The following ZYG11B variants were observed in gnomAD, a reference collection of about 807,000 sequenced individuals.
ZYG11B encodes the protein protein zyg-11 homolog B.
ZYG11B carries 36 observed loss-of-function variants against 82.4 expected under a neutral mutation model. The ratio of observed to expected loss-of-function variants is 0.44; its 90% CI spans 0.33 to 0.58. The LOEUF is 0.58. ZYG11B is among the 20% of genes least tolerant of loss of function. ZYG11B has a pLI of 0.02. For synonymous variants in ZYG11B, 303 were observed against 312.8 expected, an observed-to-expected ratio of 0.97 and a Z score of 0.33; for missense variants, 552 against 895.6, an observed-to-expected ratio of 0.62 and a Z score of 4.90.
chr1:52,786,619 C>T (rs1644914838), intron 5 of ZYG11B, among the ~76,000 whole-genome samples: 1 of 152,028 alleles, frequency 6.6e-6, no homozygotes, highest in South Asian at 2.1e-4. Context: ...CATGGTGGCA[C>T]ACCATCTGTG....
chr1:52,790,174 T>G, intron 6 of ZYG11B, 107 bp downstream of exon 6: 22 of 662,078 alleles, frequency 3.3e-5, no homozygotes, highest in Non-Finnish European at 5.1e-5. Flanking sequence ...ATTAATTGAA[T>G]AGATAGAATT....
At position 52,821,429 on chromosome 1, in the gene ZYG11B, T is replaced by G. The variant is rs768832124; in HGVS notation, c.2045-10T>G. On this transcript the variant is annotated splice_polypyrimidine_tract_variant and intron_variant, in intron 13 of 13. Coordinates refer to ENST00000294353, the MANE Select transcript of ZYG11B (RefSeq NM_024646.3). ...CTCCTGTTTTGTGTGTGTTTTTTTT[T>G]CTTTTTCAGCTTCAAGGTATTGCAG... The G allele has an allele frequency of 1.7e-5, 26 of 1,526,572 alleles. No individual in the cohort carries two copies. Among genetic ancestry groups the G allele is most frequent in the Non-Finnish European group, 2.3e-5 (26 of 1,133,660 alleles). 94.6% of individuals were successfully genotyped at this position (1,526,572 alleles called of 1,614,324 possible).
intron 12 of ZYG11B, among the ~76,000 whole-genome samples, chr1:52,815,432 G>A (rs1475664600): frequency 1.3e-5 from 2 of 152,030 alleles, no homozygotes; most frequent in Non-Finnish European, 2.9e-5. Flanking sequence ...CTCAGCCTGA[G>A]CAACATAGTG....
At chr1:52,798,780 G>A (rs1645049933) in intron 8 of ZYG11B, among the ~76,000 whole-genome samples, 1 of 152,084 alleles carries the variant, frequency 6.6e-6, no homozygotes, top group Non-Finnish European at 1.5e-5. Flanking sequence ...AGTAAACCAC[G>A]AAAACTTTAA....
intron 1 of ZYG11B, among the ~76,000 whole-genome samples, chr1:52,732,008 G>T (rs1644337085): frequency 6.6e-6 from 1 of 152,180 alleles, no homozygotes; most frequent in South Asian, 2.1e-4. Flanking sequence ...TCACCATGTT[G>T]CCCAGGCTGC....
intron 13 of ZYG11B, 68 bp from the exon 14 acceptor site, chr1:52,821,371 A>T: frequency 6.8e-7 from 1 of 1,466,490 alleles, no homozygotes; most frequent in Non-Finnish European, 9.1e-7. Flanking sequence ...TTTTTTGTGG[A>T]ATAATTTTCA....
intron 4 of ZYG11B, among the ~76,000 whole-genome samples, chr1:52,780,681 T>C (rs1571773481): frequency 6.6e-6 from 1 of 152,154 alleles, no homozygotes; most frequent in Non-Finnish European, 1.5e-5. Context: ...GCAGTGGCTG[T>C]TCACAGGCCT....
chr1:52,726,631 G>C lies in ZYG11B; in HGVS notation c.-23G>C, dbSNP rs1355800339. ...GGGGCGGGCTCCGGTCCGGCCCGCC[G>C]CCGCACCCAGGACGGAGGCTGCATG... On this transcript the variant is annotated 5_prime_UTR_variant, in exon 1 of 14. Transcript: ENST00000294353. 3 of 1,448,956 alleles carry C rather than the reference G, an allele frequency of 2.1e-6. 1 individual carries two copies. Among genetic ancestry groups the C allele is most frequent in the Non-Finnish European group, 2.7e-6 (3 of 1,106,280 alleles). The allele number at this position is 1,448,956 out of a possible 1,614,324, so 89.8% of individuals were successfully genotyped here.
chr1:52,755,981 G>T (rs1039279969), intron 1 of ZYG11B, among the ~76,000 whole-genome samples: 1 of 152,062 alleles, frequency 6.6e-6, no homozygotes, highest in Non-Finnish European at 1.5e-5. Flanking sequence ...TGTATTTTTA[G>T]TGGAGATGGG....
chr1:52,810,871 C>T (rs1229745057), intron 10 of ZYG11B, among the ~76,000 whole-genome samples: 1 of 151,740 alleles, frequency 6.6e-6, no homozygotes, highest in South Asian at 2.1e-4. Flanking sequence ...CCTGTATCTA[C>T]TAAAAATATA....
At chr1:52,770,086 A>ATG in intron 2 of ZYG11B, among the ~76,000 whole-genome samples, 1 of 72,780 alleles carries the variant, frequency 1.4e-5, no homozygotes, top group South Asian at 4.9e-4. Flanking sequence ...ATATATATAT[A>ATG]TATATATTTT....
chr1:52,797,156 T>A (rs1465033906), intron 8 of ZYG11B, among the ~76,000 whole-genome samples: 2 of 69,892 alleles, frequency 2.9e-5, no homozygotes, highest in African/African-American at 8.5e-5. Context: ...TATTATATAT[T>A]TATATATTAT....
intron 8 of ZYG11B, among the ~76,000 whole-genome samples, chr1:52,797,665 T>TGTA (rs1337550609): frequency 6.7e-6 from 1 of 149,774 alleles, no homozygotes; most frequent in Non-Finnish European, 1.5e-5. Flanking sequence ...CCTGCCACCA[T>TGTA]GCCCGGCTAA....
chr1:52,780,144 G>A (rs1644843206), intron 4 of ZYG11B, 151 bp downstream of exon 4: 6 of 757,530 alleles, frequency 7.9e-6, no homozygotes, highest in Non-Finnish European at 1.2e-5. Context: ...AGCTATAAAC[G>A]AGAGAGAAGA....
rs1645095134 is a variant in ZYG11B at position 52,803,107 on chromosome 1, T to TATATACACAC, written c.1695+973_1695+974insCACACATATA. Among the ~76,000 whole-genome samples, 3 of 89,946 alleles carry TATATACACAC rather than the reference T, an allele frequency of 3.3e-5. 1 individual carries two copies. The highest frequency in any genetic ancestry group is 5.3e-5 in the Non-Finnish European group (3 of 56,112). 59.0% of individuals were successfully genotyped at this position (89,946 alleles called of 152,430 possible). ...ATACACATATATATATACATATATATATATATATATACACACATATATATA... is the reference window on the plus strand; with the variant it reads ...ATACACATATATATATACATATATATATATACACACATATATATATACACACATATATATA... On this transcript the variant is annotated intron_variant, in intron 10 of 13. Coordinates refer to ENST00000294353, the MANE Select transcript of ZYG11B (RefSeq NM_024646.3).
chr1:52,823,533 T>C lies in ZYG11B; in HGVS notation c.*1904T>C, dbSNP rs1645301273. 1 of 150,390 alleles carries C rather than the reference T, an allele frequency of 6.6e-6. No individual in the cohort carries two copies. The highest frequency in any genetic ancestry group is 1.5e-5 in the Non-Finnish European group (1 of 67,966). The allele number at this position is 150,390 out of a possible 1,614,324, so 9.3% of individuals were successfully genotyped here. On this transcript the variant is annotated 3_prime_UTR_variant, in exon 14 of 14. Coordinates refer to ENST00000294353, the MANE Select transcript of ZYG11B (RefSeq NM_024646.3). ...TCTTTTAAAAGTTTTTTTTTTTTTT[T>C]TCCTTTTTCGAATGTTAATGTCTAA...
At chr1:52,774,869 T>TA (rs963135816) in intron 3 of ZYG11B, among the ~76,000 whole-genome samples, 2 of 152,102 alleles carry the variant, frequency 1.3e-5, no homozygotes, top group African/African-American at 2.4e-5. Context: ...CTAGAATTCT[T>TA]ACATTTGTTG....
chr1:52,776,229 A>AAAAAATATAT, intron 3 of ZYG11B, among the ~76,000 whole-genome samples: 1 of 23,538 alleles, frequency 4.2e-5, no homozygotes. Flanking sequence ...TAAAAAAAAA[A>AAAAAATATAT]ATATATATAT....
At chr1:52,732,535 G>A (rs1362265790) in intron 1 of ZYG11B, among the ~76,000 whole-genome samples, 5 of 152,182 alleles carry the variant, frequency 3.3e-5, no homozygotes, top group South Asian at 2.1e-4. Context: ...CAAGGCAGAC[G>A]GATCACGAGG....
Sources: allele counts gnomAD v4.1 joint callset (sites outside exome capture counted in the v4.1 genomes callset), GRCh38; gene constraint gnomAD v4.1.1; transcripts MANE v1.5; gene names NCBI Gene and HGNC (gene_info 2026-07-23, HGNC 2026-07-21).